The following DYNC1H1 variants were observed in gnomAD, a reference collection of about 807,000 sequenced individuals.
DYNC1H1 encodes cytoplasmic dynein 1 heavy chain 1.
In DYNC1H1, 51 loss-of-function variants were observed where a neutral mutation model predicts 527.1. The ratio of observed to expected loss-of-function variants is 0.10; its 90% CI spans 0.08 to 0.12. The LOEUF is 0.12. DYNC1H1 is among the 10% of genes least tolerant of loss of function. The pLI is 1.00. For missense variants in DYNC1H1, 2,771 were observed against 5,971.8 expected (o/e 0.46, Z 17.66); for synonymous variants, 2,189 against 2,278.8 (o/e 0.96, Z 1.12).
Position 102,000,936 on chromosome 14 carries a change from T to C in DYNC1H1, c.4075-18T>C. 1.2e-6 allele frequency: 2 copies of C among 1,603,596 alleles called. No homozygotes were observed. Among genetic ancestry groups the C allele is most frequent in the Non-Finnish European group, 1.7e-6 (2 of 1,170,360 alleles). ...AAATGTTGGCAAGCTAAATAGCATC[T>C]TATGTTTCTCTCGACAGCTTCGACA... On this transcript the variant is annotated intron_variant, in intron 18 of 77. Transcript: ENST00000360184.
chr14:102,009,431 T>G (rs1292414914), intron 29 of DYNC1H1: 7 of 213,656 alleles, frequency 3.3e-5, no homozygotes, highest in African/African-American at 1.4e-4. Flanking sequence ...GAGGTTTGGG[T>G]TTTTTTTATT....
At position 102,001,290 on chromosome 14, in the gene DYNC1H1, C is replaced by T. The variant is rs141561289; in HGVS notation, c.4331C>T (p.Ala1444Val). ...IWDVDLQKNE[A>V]IVKDVLLVAQ... ...GATGTTGACTTGCAGAAAAATGAAG[C>T]GATTGTCAAGGATGTACTGCTTGTG... The change falls in exon 20 of 78, where the codon GCG becomes GTG. Residue 1444 changes from alanine (A) to valine (V), a missense_variant. Around this residue, in one of 32 missense-constraint regions of DYNC1H1, gnomAD observed 223 missense variants for 462.5 expected, o/e 0.48. Coordinates refer to ENST00000360184, the MANE Select transcript of DYNC1H1 (RefSeq NM_001376.5). The surrounding 1 kb of genome is among the most constrained non-coding windows in gnomAD (Gnocchi z 5.0). The T allele has an allele frequency of 1.5e-5, 24 of 1,614,122 alleles. No individual in the cohort carries two copies. In the East Asian group the frequency reaches 4.2e-4, roughly 28 times the overall value.
In DYNC1H1 at chr14:102,011,445, G is replaced by T. The variant is rs761344665; in HGVS notation, c.6619-430G>T. The T allele has an allele frequency of 2.9e-6, 1 of 340,844 alleles. No individual in the cohort carries two copies. The highest frequency in any genetic ancestry group is 5.7e-6 in the Non-Finnish European group (1 of 176,436). 21.1% of individuals were successfully genotyped at this position (340,844 alleles called of 1,614,324 possible). A position where few individuals can be genotyped will look rare whatever the true frequency, so the allele number is the denominator to read the frequency against. ...CATTGGGTCTCTTGTTGTCCTCGGC[G>T]GGATCTGATGTGTCCTTGTTGAGGC... On this transcript the variant is annotated intron_variant, in intron 32 of 77. Transcript: ENST00000360184. This position sits in a 1 kb window ranked among gnomAD's most constrained non-coding sequence, Gnocchi z 5.3.
Position 102,041,074 on chromosome 14 carries a change from C to A in DYNC1H1, c.11941+401C>A. ...GGCTTAGAAGTAAATCAGAAATTTC[C>A]AATTCCTATTCATCTCATGCTTAAA... On this transcript the variant is annotated intron_variant, in intron 64 of 77. Coordinates refer to ENST00000360184, the MANE Select transcript of DYNC1H1 (RefSeq NM_001376.5). The surrounding 1 kb of genome is among the most constrained non-coding windows in gnomAD (Gnocchi z 4.5). 2 of 352,010 alleles carry A rather than the reference C, an allele frequency of 5.7e-6. No individual in the cohort carries two copies. The highest frequency in any genetic ancestry group is 1.1e-5 in the Non-Finnish European group (2 of 183,468). The allele number at this position is 352,010 out of a possible 1,614,324, so 21.8% of individuals were successfully genotyped here. A position where few individuals can be genotyped will look rare whatever the true frequency, so the allele number is the denominator to read the frequency against.
At chr14:102,040,821 T>A in intron 64 of DYNC1H1, 148 bp downstream of exon 64, 1 of 938,010 alleles carries the variant, frequency 1.1e-6, no homozygotes, top group Non-Finnish European at 1.7e-6. Flanking sequence ...TAGCCAGGCG[T>A]GGCGGTGCAC....
intron 1 of DYNC1H1, among the ~76,000 whole-genome samples, chr14:101,972,760 G>A (rs777982236): frequency 1.7e-4 from 26 of 152,118 alleles, no homozygotes; most frequent in East Asian, 3.8e-4. Flanking sequence ...TTTTAGTTGC[G>A]TCAGTGATTT....
intron 1 of DYNC1H1, among the ~76,000 whole-genome samples, chr14:101,966,068 G>C (rs1452664679): frequency 6.6e-6 from 1 of 152,134 alleles, no homozygotes; most frequent in East Asian, 1.9e-4. Flanking sequence ...TCTAGGGATT[G>C]GAGATTGTCT....
In DYNC1H1 at chr14:102,029,272, G is replaced by A. The variant is rs10151578; in HGVS notation, c.9469-267G>A. On this transcript the variant is annotated intron_variant, in intron 48 of 77. Coordinates refer to ENST00000360184, the MANE Select transcript of DYNC1H1 (RefSeq NM_001376.5). This position sits in a 1 kb window ranked among gnomAD's most constrained non-coding sequence, Gnocchi z 5.3. ...CCTTTCTATAGTAACTGACATTTGT[G>A]ATGCCTTTTCACATAAGTACACCTC... is the stretch of plus-strand genomic sequence containing the variant. 0.024 allele frequency: 12,180 copies of A among 508,434 alleles called. 623 individuals carry two copies. Among genetic ancestry groups the A allele is most frequent in the African/African-American group, 0.14 (7,358 of 51,962 alleles). 31.5% of individuals were successfully genotyped at this position (508,434 alleles called of 1,614,324 possible).
chr14:101,993,903 G>A (rs2048026840), intron 11 of DYNC1H1, among the ~76,000 whole-genome samples: 1 of 152,112 alleles, frequency 6.6e-6, no homozygotes. Flanking sequence ...CACATAACAG[G>A]CACTCAGATA....
At position 102,010,044 on chromosome 14, in the gene DYNC1H1, G is replaced by A; in HGVS notation, c.6179G>A (p.Arg2060His). Residue 2060 changes from arginine (R) to histidine (H), a missense_variant, in exon 30 of 78, where the codon CGC becomes CAC. Physicochemically the swap from Arg to His is conservative, Grantham distance 29. Transcript: ENST00000360184. The surrounding 1 kb of genome is among the most constrained non-coding windows in gnomAD (Gnocchi z 6.0). ...GTCATGCTGTACTCACAGGGTTTCC[G>A]CACTGCTGAAGTGCTTGCCAACAAA... ...AQVMLYSQGF[R>H]TAEVLANKIV... The A allele has an allele frequency of 6.2e-7, 1 of 1,613,946 alleles. No homozygotes were observed. Among genetic ancestry groups the A allele is most frequent in the Non-Finnish European group, 8.5e-7 (1 of 1,180,038 alleles).
Position 102,050,655 on chromosome 14 carries a change from A to G in DYNC1H1, c.*92A>G. On this transcript the variant is annotated 3_prime_UTR_variant, in exon 78 of 78. Coordinates refer to ENST00000360184, the MANE Select transcript of DYNC1H1 (RefSeq NM_001376.5). ...ATTTGGAAGGTCTGAGCTTGTGAAAAGAAAGTGGTTGGTCTGAGGTTGGAG... is the reference window on the plus strand; with the variant it reads ...ATTTGGAAGGTCTGAGCTTGTGAAAGGAAAGTGGTTGGTCTGAGGTTGGAG... 1 of 1,602,600 alleles carries G rather than the reference A, an allele frequency of 6.2e-7. No homozygotes were observed. Among genetic ancestry groups the G allele is most frequent in the Non-Finnish European group, 8.5e-7 (1 of 1,172,486 alleles).
Position 102,027,062 on chromosome 14 carries a change from T to C in DYNC1H1, c.8772-112T>C. Reference sequence around the variant, plus strand: ...TAACAGTTGCTCAGCAAATGTTTAATATACAAGTTCAAGTTAAAACATGTC... The same window carrying C: ...TAACAGTTGCTCAGCAAATGTTTAACATACAAGTTCAAGTTAAAACATGTC... On this transcript the variant is annotated intron_variant, in intron 44 of 77. Coordinates refer to ENST00000360184, the MANE Select transcript of DYNC1H1 (RefSeq NM_001376.5). This position sits in a 1 kb window ranked among gnomAD's most constrained non-coding sequence, Gnocchi z 7.7. The C allele has an allele frequency of 8.1e-7, 1 of 1,231,012 alleles. No individual in the cohort carries two copies. Among genetic ancestry groups the C allele is most frequent in the Non-Finnish European group, 1.2e-6 (1 of 834,170 alleles). 76.3% of individuals were successfully genotyped at this position (1,231,012 alleles called of 1,614,324 possible). A position where few individuals can be genotyped will look rare whatever the true frequency, so the allele number is the denominator to read the frequency against.
chr14:101,986,839 G>C lies in DYNC1H1; in HGVS notation c.2538+76G>C, dbSNP rs904192087. 21 of 1,542,840 alleles carry C rather than the reference G, an allele frequency of 1.4e-5. No homozygotes were observed. Among genetic ancestry groups the C allele is most frequent in the Non-Finnish European group, 1.8e-5 (20 of 1,117,618 alleles). ...AATAGCGAGCTCAGTTAAAACACTA[G>C]TTCTCCCGAAGAAGGCATGCATGGT... On this transcript the variant is annotated intron_variant, in intron 8 of 77. Transcript: ENST00000360184. This position sits in a 1 kb window ranked among gnomAD's most constrained non-coding sequence, Gnocchi z 8.7.
In DYNC1H1 at chr14:102,040,401, G is replaced by A; in HGVS notation, c.11856G>A (p.Gln3952=). 6.2e-7 allele frequency: 1 copy of A among 1,614,212 alleles called. No individual in the cohort carries two copies. The highest frequency in any genetic ancestry group is 8.5e-7 in the Non-Finnish European group (1 of 1,180,038). The change falls in exon 63 of 78, where the codon CAG becomes CAA. Residue 3952 remains glutamine (Q), a synonymous_variant. Coordinates refer to ENST00000360184, the MANE Select transcript of DYNC1H1 (RefSeq NM_001376.5). ...TTAAGGACTTGATTGCAAAGGTTCA[G>A]GCAGACGAGGTGATTGTTCTCTTGA... ...PAFKDLIAKV[Q]ADEQFGIWLD... is the part of the protein sequence containing the mutation.
chr14:101,982,851 G>A lies in DYNC1H1; in HGVS notation c.962-168G>A, dbSNP rs11851402. Among the ~76,000 whole-genome samples the A allele has an allele frequency of 0.21, 32,400 of 152,000 alleles. 4,768 individuals carry two copies. The highest frequency in any genetic ancestry group is 0.41 in the African/African-American group (16,980 of 41,430). On this transcript the variant is annotated intron_variant, in intron 5 of 77. Transcript: ENST00000360184. ...ACTCTTAAATAAGCAAAAATGGAGC[G>A]CCACTAGGGTTATCCTGTTAATAAC... is the stretch of plus-strand genomic sequence containing the variant.
chr14:101,989,883 G>A lies in DYNC1H1; in HGVS notation c.2868+1031G>A, dbSNP rs140694549. ...AGACCACATATACAATTGTGGTCCCGACGATTACAATACCATATTTTTACT... is the reference window on the plus strand; with the variant it reads ...AGACCACATATACAATTGTGGTCCCAACGATTACAATACCATATTTTTACT... On this transcript the variant is annotated intron_variant, in intron 10 of 77. Transcript: ENST00000360184. Among the ~76,000 whole-genome samples, 339 of 152,270 alleles carry A rather than the reference G, an allele frequency of 2.2e-3. 1 individual carries two copies. Among genetic ancestry groups the A allele is most frequent in the Middle Eastern group, 0.01 (3 of 294 alleles).
chr14:101,998,340 C>T (rs879659032), intron 16 of DYNC1H1, among the ~76,000 whole-genome samples: 11 of 146,342 alleles, frequency 7.5e-5, no homozygotes, highest in South Asian at 2.2e-4. Context: ...ATAATACAAA[C>T]GCCTGGACCC....
rs778436175 is a variant in DYNC1H1 at position 101,999,953 on chromosome 14, T to C, written c.3805-36T>C. ...CTAAATGCTCATCTCTCCTGAGACA[T>C]TGTGCTCCAATTCTCTGTGCTCTGA... On this transcript the variant is annotated intron_variant, in intron 16 of 77. Transcript: ENST00000360184. 11 of 1,613,848 alleles carry C rather than the reference T, an allele frequency of 6.8e-6. No homozygotes were observed. In the Admixed American group the frequency reaches 1.5e-4, roughly 22 times the overall value.
chr14:101,988,431 G>A lies in DYNC1H1; in HGVS notation c.2719-272G>A, dbSNP rs539222244. On this transcript the variant is annotated intron_variant, in intron 9 of 77. Coordinates refer to ENST00000360184, the MANE Select transcript of DYNC1H1 (RefSeq NM_001376.5). The stretch of plus-strand genomic sequence containing the variant: ...CTGGTGGACTTCAGAGAGCACACCA[G>A]TGGAGAGTGTTGGGGAGGAGGATAT... Among the ~76,000 whole-genome samples, 3 of 152,356 alleles carry A rather than the reference G, an allele frequency of 2.0e-5. No homozygotes were observed. The East Asian group carries it at 5.8e-4, about 29-fold the overall frequency.
Sources: allele counts gnomAD v4.1 joint callset (sites outside exome capture counted in the v4.1 genomes callset), GRCh38; gene constraint gnomAD v4.1.1; regional missense constraint gnomAD v4.1.1; non-coding constraint Gnocchi (gnomAD v3.1); transcripts MANE v1.5; gene names NCBI Gene and HGNC (gene_info 2026-07-23, HGNC 2026-07-21).